Variants in LARGE1 observed in about 807,000 individuals in gnomAD.
LARGE1 encodes the protein LARGE xylosyl- and glucuronyltransferase 1.
LARGE1 carries 43 observed loss-of-function variants against 87.6 expected under a neutral mutation model. That is an observed-to-expected ratio of 0.49 (90% CI 0.38 to 0.63). The LOEUF is 0.63. LARGE1 is among the 30% of genes least tolerant of loss of function. LARGE1 has a pLI of 0.00. For missense variants in LARGE1, 802 were observed against 1,000.2 expected (o/e 0.80, Z 2.67); for synonymous variants, 434 against 394.6 (o/e 1.10, Z -1.18).
intron 2 of LARGE1, among the ~76,000 whole-genome samples, chr22:33,696,576 C>T (rs748934077): frequency 1.3e-5 from 2 of 152,072 alleles, no homozygotes; most frequent in African/African-American, 2.4e-5. Flanking sequence ...ATCAGCAGAC[C>T]TTTCTTTAAA....
intron 2 of LARGE1, among the ~76,000 whole-genome samples, chr22:33,709,211 A>C (rs1222838517): frequency 2.0e-5 from 3 of 152,136 alleles, no homozygotes; most frequent in Non-Finnish European, 4.4e-5. Flanking sequence ...ACACACAGGA[A>C]GTAAGTGATT....
chr22:33,362,670 T>C (rs1281812480), intron 9 of LARGE1, among the ~76,000 whole-genome samples: 1 of 150,046 alleles, frequency 6.7e-6, no homozygotes, highest in East Asian at 1.9e-4. Flanking sequence ...TCTAATGCAA[T>C]TGGAAATCTA....
chr22:33,837,172 G>A (rs139979631), intron 1 of LARGE1, among the ~76,000 whole-genome samples: 6 of 151,792 alleles, frequency 4.0e-5, no homozygotes, highest in Non-Finnish European at 8.8e-5. Context: ...CAGGGATTTT[G>A]CAATACTTTT....
chr22:33,857,171 C>G (rs2063779440), intron 1 of LARGE1, among the ~76,000 whole-genome samples: 2 of 152,198 alleles, frequency 1.3e-5, no homozygotes, highest in Admixed American at 6.5e-5. Flanking sequence ...CCCTTCTCAG[C>G]CTCCCAGAAG....
intron 6 of LARGE1, among the ~76,000 whole-genome samples, chr22:33,440,999 C>G (rs2067447120): frequency 6.6e-6 from 1 of 150,982 alleles, no homozygotes; most frequent in African/African-American, 2.5e-5. Context: ...AACCAAAACT[C>G]TGGCTTGAAG....
Position 33,361,211 on chromosome 22 carries a change from A to T in LARGE1, c.1131+20708T>A, listed in dbSNP as rs999528825. Among the ~76,000 whole-genome samples, 37 of 149,140 alleles carry T rather than the reference A, an allele frequency of 2.5e-4. 6 individuals carry two copies. The highest frequency in any genetic ancestry group is 8.9e-4 in the South Asian group (4 of 4,480). ...GGTGACAGAGCAAGACTGTTTAAAAAAATAATAATAATAAATAAATAAATA... is the reference window on the plus strand; with the variant it reads ...GGTGACAGAGCAAGACTGTTTAAAATAATAATAATAATAAATAAATAAATA... On this transcript the variant is annotated intron_variant, in intron 9 of 14. Coordinates refer to ENST00000397394, the MANE Select transcript of LARGE1 (RefSeq NM_133642.5).
chr22:33,447,675 G>A (rs1439586856), intron 6 of LARGE1, among the ~76,000 whole-genome samples: 2 of 152,252 alleles, frequency 1.3e-5, no homozygotes, highest in African/African-American at 4.8e-5. Flanking sequence ...TTACTATGGT[G>A]TATGTCTTGG....
At chr22:33,513,117 G>GT (rs2071130559) in intron 6 of LARGE1, among the ~76,000 whole-genome samples, 1 of 152,116 alleles carries the variant, frequency 6.6e-6, no homozygotes, top group African/African-American at 2.4e-5. Flanking sequence ...ATGTGTACTG[G>GT]TGTGACCATT....
intron 9 of LARGE1, among the ~76,000 whole-genome samples, chr22:33,346,499 C>T (rs528348048): frequency 2.0e-5 from 3 of 152,214 alleles, no homozygotes; most frequent in Non-Finnish European, 4.4e-5. Flanking sequence ...GACGAGGTTT[C>T]GCCATGTTGT....
intron 11 of LARGE1, among the ~76,000 whole-genome samples, chr22:33,182,229 G>A (rs1340061188): frequency 6.6e-6 from 1 of 152,158 alleles, no homozygotes; most frequent in African/African-American, 2.4e-5. Context: ...TTTAATATTT[G>A]AGTTTAGAAT....
intron 6 of LARGE1, among the ~76,000 whole-genome samples, chr22:33,517,229 G>GA (rs1469772896): frequency 1.3e-5 from 2 of 152,126 alleles, no homozygotes; most frequent in Non-Finnish European, 2.9e-5. Flanking sequence ...ACGATAGGAT[G>GA]AAAAATTGGA....
chr22:33,605,648 T>C (rs1048218772), intron 4 of LARGE1, among the ~76,000 whole-genome samples: 1 of 152,202 alleles, frequency 6.6e-6, no homozygotes, highest in Admixed American at 6.5e-5. Flanking sequence ...CAAGAACTAC[T>C]AGCATAAATA....
intron 6 of LARGE1, among the ~76,000 whole-genome samples, chr22:33,456,790 T>G (rs901655842): frequency 6.6e-6 from 1 of 152,194 alleles, no homozygotes; most frequent in Non-Finnish European, 1.5e-5. Context: ...GAACTCAACA[T>G]GCGGTCCAGT....
At chr22:33,616,466 A>T (rs1256108300) in intron 4 of LARGE1, among the ~76,000 whole-genome samples, 1 of 151,896 alleles carries the variant, frequency 6.6e-6, no homozygotes, top group Non-Finnish European at 1.5e-5. Flanking sequence ...CAAGAGGTGG[A>T]GGTTGCAGTG....
At chr22:33,556,231 C>T (rs936836913) in intron 6 of LARGE1, among the ~76,000 whole-genome samples, 9 of 151,620 alleles carry the variant, frequency 5.9e-5, no homozygotes, top group African/African-American at 2.2e-4. Flanking sequence ...GGTTAAGTGT[C>T]GGCTCTGAGA....
chr22:33,348,603 C>T (rs1940043872), intron 9 of LARGE1, among the ~76,000 whole-genome samples: 2 of 152,094 alleles, frequency 1.3e-5, no homozygotes, highest in Non-Finnish European at 1.5e-5. Flanking sequence ...AGATTAGCAT[C>T]TGAATCAGTG....
the LARGE1 span, among the ~76,000 whole-genome samples, chr22:33,102,126 C>T: frequency 1.3e-5 from 2 of 151,706 alleles, no homozygotes; most frequent in African/African-American, 2.4e-5. Flanking sequence ...CTTCCTCTTC[C>T]TCCAGTCCTG....
chr22:33,367,767 C>T lies in LARGE1; in HGVS notation c.1131+14152G>A, dbSNP rs145015974. On this transcript the variant is annotated intron_variant, in intron 9 of 14. Coordinates refer to ENST00000397394, the MANE Select transcript of LARGE1 (RefSeq NM_133642.5). ...TATATTAATATATCATCTTGAGTTG[C>T]AAACTTGGCTTATTAATTTTCAACT... Among the ~76,000 whole-genome samples the T allele has an allele frequency of 1.1e-3, 163 of 152,212 alleles. 4 individuals carry two copies. The East Asian group carries it at 0.028, about 26-fold the overall frequency.
chr22:33,080,590 T>C, the LARGE1 span, among the ~76,000 whole-genome samples: 2 of 152,216 alleles, frequency 1.3e-5, no homozygotes, highest in African/African-American at 4.8e-5. Flanking sequence ...ATGGAACACA[T>C]GGCTTATGTG....
Sources: allele counts gnomAD v4.1 joint callset (sites outside exome capture counted in the v4.1 genomes callset), GRCh38; gene constraint gnomAD v4.1.1; transcripts MANE v1.5; gene names NCBI Gene and HGNC (gene_info 2026-07-23, HGNC 2026-07-21).